The following KDM4C variants were observed in gnomAD, a reference collection of about 807,000 sequenced individuals.
The protein encoded by KDM4C is lysine demethylase 4C, also known as lysine-specific demethylase 4C.
Under a neutral mutation model 129.3 loss-of-function variants are expected in KDM4C, and 81 were observed. The ratio of observed to expected loss-of-function variants is 0.63; its 90% confidence interval spans 0.52 to 0.75. The LOEUF (loss-of-function observed/expected upper bound fraction) is 0.75. Among genes scored for constraint, KDM4C ranks in the 30% least tolerant of loss-of-function variants. The pLI is 0.00. For missense variants in KDM4C, 1,457 were observed against 1,304.0 expected (o/e 1.12, Z -1.81); for synonymous variants, 573 against 456.1 (o/e 1.26, Z -3.26).
rs551240565 is a variant in KDM4C at position 6,830,074 on chromosome 9, T to G, written c.435+15329T>G. 8.5e-5 allele frequency among the ~76,000 whole-genome samples: 13 copies of G among 152,350 alleles called. No individual in the cohort carries two copies. In the South Asian group the frequency reaches 2.7e-3, roughly 32 times the overall value. The stretch of plus-strand genomic sequence containing the variant: ...GGGGCAGTGTTTCTGTACCAAAATT[T>G]TTTTTAGTGTTTTCCTTATTACAGC... On this transcript the variant is annotated intron_variant, in intron 4 of 21. Transcript: ENST00000381309.
intron 15 of KDM4C, among the ~76,000 whole-genome samples, chr9:7,045,707 A>G (rs1217575875): frequency 6.6e-6 from 1 of 152,050 alleles, no homozygotes; most frequent in Non-Finnish European, 1.5e-5. Context: ...GAATCCAGGA[A>G]TTTTCATATA....
chr9:6,955,707 G>C (rs936364178), intron 8 of KDM4C, among the ~76,000 whole-genome samples: 2 of 152,088 alleles, frequency 1.3e-5, no homozygotes, highest in African/African-American at 4.8e-5. Context: ...TTGGCTCCTT[G>C]CCACATTTGC....
intron 4 of KDM4C, 110 bp downstream of exon 4, chr9:6,814,855 A>G (rs1831793652): frequency 1.8e-6 from 1 of 557,774 alleles, no homozygotes; most frequent in Admixed American, 3.3e-5. Context: ...GTGATCCATA[A>G]TTCCTCAAAG....
Position 7,015,947 on chromosome 9 carries a change from G to A in KDM4C, c.2259+18G>A. ...GGACAGCAGTAAGTAGCTTATTTTAGTATTGCTTAACCTTTCTTCCCACCC... is the reference window on the plus strand; with the variant it reads ...GGACAGCAGTAAGTAGCTTATTTTAATATTGCTTAACCTTTCTTCCCACCC... On this transcript the variant is annotated intron_variant, in intron 15 of 21. Coordinates refer to ENST00000381309, the MANE Select transcript of KDM4C (RefSeq NM_015061.6). 6.3e-7 allele frequency: 1 copy of A among 1,584,202 alleles called. No individual in the cohort carries two copies. Among genetic ancestry groups the A allele is most frequent in the African/African-American group, 1.3e-5 (1 of 74,452 alleles).
rs1440878481 is a variant in KDM4C at position 7,043,733 on chromosome 9, TA to T, written c.2260-3126del. 5.3e-5 allele frequency among the ~76,000 whole-genome samples: 8 copies of T among 151,998 alleles called. No homozygotes were observed. In the South Asian group the frequency reaches 1.7e-3, roughly 32 times the overall value. On this transcript the variant is annotated intron_variant, in intron 15 of 21. Transcript: ENST00000381309. ...ATAGAACAGAAACTGTGATATCATA[TA>T]AATAACTTATGAGTGTACCTGGCCA...
intron 17 of KDM4C, among the ~76,000 whole-genome samples, chr9:7,086,093 G>A (rs768242129): frequency 6.6e-6 from 1 of 152,150 alleles, no homozygotes; most frequent in Non-Finnish European, 1.5e-5. Context: ...AGGAGGCGGA[G>A]GTTGCAGTGA....
chr9:6,896,590 T>G (rs189810755), intron 8 of KDM4C, among the ~76,000 whole-genome samples: 4 of 151,142 alleles, frequency 2.6e-5, no homozygotes, highest in Admixed American at 2.6e-4. Flanking sequence ...AAAAAAAAAG[T>G]AGGTTTTGAA....
chr9:6,854,533 A>AAC (rs1371529977), intron 5 of KDM4C, among the ~76,000 whole-genome samples: 9 of 145,896 alleles, frequency 6.2e-5, no homozygotes, highest in Admixed American at 4.1e-4. Flanking sequence ...CTCAAAAAAA[A>AAC]AAAAAAAAAA....
chr9:6,961,448 A>G (rs996121473), intron 8 of KDM4C, among the ~76,000 whole-genome samples: 2 of 152,182 alleles, frequency 1.3e-5, no homozygotes, highest in Non-Finnish European at 2.9e-5. Context: ...CTGAACAGAG[A>G]TAGTCGTGGT....
intron 17 of KDM4C, among the ~76,000 whole-genome samples, chr9:7,088,656 G>C (rs1330770763): frequency 6.6e-6 from 1 of 152,086 alleles, no homozygotes; most frequent in Non-Finnish European, 1.5e-5. Flanking sequence ...TATTACAGGA[G>C]GTGCATTGTC....
Position 6,740,897 on chromosome 9 carries a change from G to A in KDM4C, c.49+19900G>A, listed in dbSNP as rs529960626. ...AGTTGGATTGCAGTGGGAGGATCTC[G>A]GCTCACCACAAACTCTGCCTCCCAG... On this transcript the variant is annotated intron_variant, in intron 1 of 17. Coordinates refer to the KDM4C transcript ENST00000536108. 2.0e-4 allele frequency among the ~76,000 whole-genome samples: 31 copies of A among 151,642 alleles called. 2 individuals are homozygous for A. The South Asian group carries it at 6.3e-3, about 31-fold the overall frequency.
intron 15 of KDM4C, among the ~76,000 whole-genome samples, chr9:7,036,832 C>G (rs546559564): frequency 5.3e-5 from 8 of 152,154 alleles, no homozygotes; most frequent in Middle Eastern, 3.2e-3. Flanking sequence ...TGCTCAGGGT[C>G]TAGAGCACAT....
chr9:6,740,970 G>T (rs10975815), intron 1 of KDM4C, among the ~76,000 whole-genome samples: 17,864 of 151,108 alleles, frequency 0.12, 1,302 homozygotes, highest in African/African-American at 0.2. Context: ...GACTACAGAC[G>T]CATGCCACCA....
At chr9:6,954,839 G>C (rs1828787152) in intron 8 of KDM4C, among the ~76,000 whole-genome samples, 1 of 152,166 alleles carries the variant, frequency 6.6e-6, no homozygotes, top group South Asian at 2.1e-4. Flanking sequence ...GGCAAATTCA[G>C]AAAATTCTTG....
At chr9:7,130,501 A>G (rs1418346066) in intron 19 of KDM4C, among the ~76,000 whole-genome samples, 1 of 152,222 alleles carries the variant, frequency 6.6e-6, no homozygotes, top group East Asian at 1.9e-4. Context: ...TGAGAAGAAC[A>G]CAGAAGCTAA....
chr9:6,811,094 G>A (rs1831061433), intron 3 of KDM4C, among the ~76,000 whole-genome samples: 3 of 152,300 alleles, frequency 2.0e-5, no homozygotes, highest in African/African-American at 7.2e-5. Flanking sequence ...AGGATCACCT[G>A]GTTGTGGAAT....
At chr9:6,850,089 C>G (rs777865926) in intron 5 of KDM4C, among the ~76,000 whole-genome samples, 1 of 152,138 alleles carries the variant, frequency 6.6e-6, no homozygotes, top group Non-Finnish European at 1.5e-5. Flanking sequence ...GGTTTGTAGC[C>G]TAGAAGCAAT....
At chr9:7,153,735 G>T (rs761543381) in intron 19 of KDM4C, among the ~76,000 whole-genome samples, 1 of 152,176 alleles carries the variant, frequency 6.6e-6, no homozygotes, top group Admixed American at 6.5e-5. Context: ...GATTTAGCCT[G>T]TACAGAAATT....
At chr9:6,984,051 T>C in intron 9 of KDM4C, 115 bp from the exon 10 acceptor site, 1 of 669,176 alleles carries the variant, frequency 1.5e-6, no homozygotes, top group Non-Finnish European at 2.6e-6. Context: ...GCATAGTGAT[T>C]AACAATGTCA....
Sources: gnomAD v4.1 joint callset for allele counts (sites outside exome capture counted in the v4.1 genomes callset) on GRCh38, gnomAD v4.1.1 for gene constraint, MANE v1.5 for transcripts, NCBI Gene and HGNC (gene_info 2026-07-23, HGNC 2026-07-21) for gene names.